Variants in ARHGEF40 observed in about 807,000 individuals in gnomAD.
ARHGEF40 encodes the protein Rho guanine nucleotide exchange factor (GEF) 40.
A neutral mutation model predicts 165.9 loss-of-function variants in ARHGEF40; 98 were observed. The observed-to-expected ratio is 0.59, with a 90% CI of 0.50 to 0.70. The LOEUF is 0.70. Among genes scored for constraint, ARHGEF40 ranks in the 30% least tolerant of loss-of-function variants. The pLI is 0.00. For synonymous variants in ARHGEF40, 792 were observed against 814.3 expected, an observed-to-expected ratio of 0.97 and a Z score of 0.47; for missense variants, 1,815 against 1,968.0, an observed-to-expected ratio of 0.92 and a Z score of 1.47.
Position 21,084,881 on chromosome 14 carries a change from T to C in ARHGEF40, c.3918T>C (p.Pro1306=), listed in dbSNP as rs760014627. The C allele has an allele frequency of 1.9e-6, 3 of 1,614,112 alleles. No homozygotes were observed. Residue 1306 remains proline, a synonymous_variant, in exon 18 of 24, where the codon CCT becomes CCC. Transcript: ENST00000298694. ...TCCTGTTCAGCAAGCTCAAGGGCCC[T>C]GAAGGGGGGTCAGAGATGTTTGTTT... The part of the protein sequence containing the change: ...HLLLFSKLKG[P]EGGSEMFVYK...
chr14:21,089,948 A>G lies in ARHGEF40; in HGVS notation c.*940A>G, dbSNP rs1268753348. The G allele has an allele frequency of 9.1e-6, 2 of 219,978 alleles. No individual in the cohort carries two copies. The highest frequency in any genetic ancestry group is 4.6e-5 in the African/African-American group (2 of 43,470). The allele number at this position is 219,978 out of a possible 1,614,324, so 13.6% of individuals were successfully genotyped here. On this transcript the variant is annotated 3_prime_UTR_variant, in exon 24 of 24. Coordinates refer to ENST00000298694, the MANE Select transcript of ARHGEF40 (RefSeq NM_018071.5). ...AGCTACTGCATCGAAACCTGGGGGT[A>G]AAACCCAATATTCTGCATTTCTTAT...
chr14:21,069,516 T>C (rs1046198132), upstream of ARHGEF40, among the ~76,000 whole-genome samples: 1 of 152,046 alleles, frequency 6.6e-6, no homozygotes, highest in Non-Finnish European at 1.5e-5. Flanking sequence ...ACTCAGAAAA[T>C]GTCCGGCGAA....
Position 21,088,070 on chromosome 14 carries a change from GTCGAGGGA to G in ARHGEF40, c.4493_4500del (p.Arg1498LeufsTer14), listed in dbSNP as rs1270175605. 31 of 1,613,748 alleles carry G rather than the reference GTCGAGGGA, an allele frequency of 1.9e-5. No homozygotes were observed. Among genetic ancestry groups the G allele is most frequent in the Non-Finnish European group, 2.5e-5 (30 of 1,179,846 alleles). Reference sequence around the variant, plus strand: ...GGGAGCAGCACTCCCACCCTGGCCAGTCGAGGGATCTTAGGGCTATCCCGACAGGTAAG... The same window carrying G: ...GGGAGCAGCACTCCCACCCTGGCCAGTCTTAGGGCTATCCCGACAGGTAAG... On this transcript the variant is annotated frameshift_variant, in exon 22 of 24. Transcript: ENST00000298694. LOFTEE classifies it high-confidence loss of function.
chr14:21,083,210 G>A (rs1888068102), intron 16 of ARHGEF40, among the ~76,000 whole-genome samples: 1 of 152,152 alleles, frequency 6.6e-6, no homozygotes, highest in African/African-American at 2.4e-5. Flanking sequence ...CTAAGCATCA[G>A]AAGAGCTCAC....
chr14:21,076,309 T>TC, intron 5 of ARHGEF40, 51 bp from the exon 6 acceptor site: 2 of 1,479,986 alleles, frequency 1.4e-6, no homozygotes, highest in Non-Finnish European at 1.9e-6. Context: ...TTATCTGCTA[T>TC]CCCCCAAAAC....
At chr14:21,078,733 GGA>G in intron 10 of ARHGEF40, 149 bp from the exon 11 acceptor site, 1 of 1,208,086 alleles carries the variant, frequency 8.3e-7, no homozygotes, top group Admixed American at 2.7e-5. Context: ...TAAAGAGTCA[GGA>G]TTCAAACCAA....
At position 21,070,578 on chromosome 14, in the gene ARHGEF40, G is replaced by C. The variant is rs1487525901; in HGVS notation, c.3+179G>C. Among the ~76,000 whole-genome samples, 3 of 151,472 alleles carry C rather than the reference G, an allele frequency of 2.0e-5. No homozygotes were observed. The highest frequency in any genetic ancestry group is 4.4e-5 in the Non-Finnish European group (3 of 67,888). ...TCTGTCTGCCCGACTGTTTAGCTCT[G>C]TCCCCACCGGGTATTGCCCTCACCC... On this transcript the variant is annotated intron_variant, in intron 1 of 23. Coordinates refer to ENST00000298694, the MANE Select transcript of ARHGEF40 (RefSeq NM_018071.5). This position sits in a 1 kb window ranked among gnomAD's most constrained non-coding sequence, Gnocchi z 4.7.
chr14:21,088,978 T>A, intron 23 of ARHGEF40, 36 bp from the exon 24 acceptor site: 3 of 1,147,856 alleles, frequency 2.6e-6, no homozygotes, highest in Non-Finnish European at 3.8e-6. Flanking sequence ...TTCTTCCCTC[T>A]CCCAACTCAT....
chr14:21,070,881 A>G lies in ARHGEF40; in HGVS notation c.3+482A>G. The G allele has an allele frequency of 6.5e-7, 1 of 1,535,354 alleles. No individual in the cohort carries two copies. Among genetic ancestry groups the G allele is most frequent in the Non-Finnish European group, 8.7e-7 (1 of 1,146,702 alleles). ...GTCCCCAACCCGGTGAGGCAGGCCC[A>G]CCCATCCGGCCCTAGGGGACTGGCC... On this transcript the variant is annotated intron_variant, in intron 1 of 23. Transcript: ENST00000298694. This position sits in a 1 kb window ranked among gnomAD's most constrained non-coding sequence, Gnocchi z 4.7.
chr14:21,088,684 TA>T, intron 22 of ARHGEF40, 145 bp from the exon 23 acceptor site: 4 of 849,458 alleles, frequency 4.7e-6, no homozygotes, highest in Non-Finnish European at 7.1e-6. Flanking sequence ...CACCTGTCTC[TA>T]AAAAAATAAA....
intron 19 of ARHGEF40, 112 bp downstream of exon 19, chr14:21,085,978 G>A (rs2139265849): frequency 8.3e-7 from 1 of 1,198,066 alleles, no homozygotes; most frequent in Non-Finnish European, 1.2e-6. Context: ...AAGAAAGAAT[G>A]GCTTATAATA....
At chr14:21,065,549 A>G (rs943874807), upstream of ARHGEF40, among the ~76,000 whole-genome samples, 14 of 152,354 alleles carry the variant, frequency 9.2e-5, 1 homozygote, top group East Asian at 1.2e-3. Context: ...AAATAAATAC[A>G]TAATCAATAG....
chr14:21,079,584 C>A (rs1048702103), intron 11 of ARHGEF40, among the ~76,000 whole-genome samples: 5 of 152,124 alleles, frequency 3.3e-5, no homozygotes, highest in Non-Finnish European at 5.9e-5. Flanking sequence ...GATTTGCTCT[C>A]CACCCTACCA....
the ARHGEF40 span, among the ~76,000 whole-genome samples, chr14:21,061,928 C>G: frequency 6.6e-6 from 1 of 152,100 alleles, no homozygotes; most frequent in Non-Finnish European, 1.5e-5. Context: ...CTGGTTAGCT[C>G]AAATGCCCAA....
intron 11 of ARHGEF40, among the ~76,000 whole-genome samples, chr14:21,080,320 G>A (rs1009386095): frequency 2.6e-5 from 4 of 151,748 alleles, no homozygotes; most frequent in Middle Eastern, 3.2e-3. Flanking sequence ...CTTGGTGAAG[G>A]CCGTCAGTCA....
At chr14:21,086,695 TG>T (rs199726564) in intron 19 of ARHGEF40, 1 of 299,084 alleles carries the variant, frequency 3.3e-6, no homozygotes, top group Non-Finnish European at 6.4e-6. Flanking sequence ...GTTTGTTTTT[TG>T]TGTGTGTATG....
intron 18 of ARHGEF40, 148 bp from the exon 19 acceptor site, chr14:21,085,540 TA>T: frequency 1.1e-6 from 1 of 905,750 alleles, no homozygotes. Flanking sequence ...TTACGAAGAC[TA>T]AACGTAGAGC....
At position 21,082,340 on chromosome 14, in the gene ARHGEF40, G is replaced by C. The variant is rs61746329; in HGVS notation, c.3348G>C (p.Thr1116=). The C allele has an allele frequency of 6.2e-7, 1 of 1,612,382 alleles. No individual in the cohort carries two copies. Among genetic ancestry groups the C allele is most frequent in the Admixed American group, 1.7e-5 (1 of 60,002 alleles). ...TGCCACCCCCTGGGCCTGAGCTGAC[G>C]CCTGAACTTCGGGGCACCTGGGCTG... ...EPVPPPGPEL[T]PELRGTWAAA... Residue 1116 remains threonine (T), a synonymous_variant, in exon 15 of 24, where the codon ACG becomes ACC. Transcript: ENST00000298694.
rs766260928 is a variant in ARHGEF40 at position 21,075,139 on chromosome 14, G to T, written c.1409G>T (p.Gly470Val). 5 of 1,610,608 alleles carry T rather than the reference G, an allele frequency of 3.1e-6. No homozygotes were observed. The highest frequency in any genetic ancestry group is 4.5e-5 in the East Asian group (2 of 44,888). Residue 470 changes from glycine (G) to valine (V), a missense_variant, in exon 3 of 24, where the codon GGA becomes GTA. Physicochemically the swap from Gly to Val is moderately radical, Grantham distance 109. Transcript: ENST00000298694. The surrounding 1 kb of genome is among the most constrained non-coding windows in gnomAD (Gnocchi z 4.5). ...EACGPTEEGA[G>V]ERELEGPGLL... is the part of the protein sequence containing the mutation. ...TGTGGGCCTACAGAAGAGGGGGCCG[G>T]AGAGAGAGAGCTGGAGGGGCCAGGC... is the stretch of plus-strand genomic sequence containing the variant.
Sources: allele counts gnomAD v4.1 joint callset (sites outside exome capture counted in the v4.1 genomes callset), GRCh38; gene constraint gnomAD v4.1.1; non-coding constraint Gnocchi (gnomAD v3.1); transcripts MANE v1.5; gene names NCBI Gene and HGNC (gene_info 2026-07-23, HGNC 2026-07-21).